Variants in USP9Y observed in about 807,000 individuals in gnomAD.
The protein encoded by USP9Y is ubiquitin carboxyl-terminal hydrolase 9Y.
A neutral mutation model predicts 53.1 loss-of-function variants in USP9Y; 41 were observed. The observed-to-expected ratio is 0.77, with a 90% CI of 0.60 to 1.00. The LOEUF is 1.00. Ranked by LOEUF, USP9Y falls within the 50% of genes least tolerant of loss-of-function variation. The pLI is 0.00. For synonymous variants in USP9Y, 220 were observed against 173.7 expected (o/e 1.27, Z -2.09); for missense variants, 567 against 535.8 (o/e 1.06, Z -0.58).
In USP9Y at chrY:12,805,346, T is replaced by C. The variant is rs753210778; in HGVS notation, c.3984-4833T>C. Among the ~76,000 whole-genome samples, 37 of 33,287 alleles carry C rather than the reference T, an allele frequency of 1.1e-3. No individual in the cohort carries two copies. In the East Asian group the frequency reaches 0.027, roughly 24 times the overall value. The allele number at this position is 33,287 out of a possible 37,273, so 89.3% of individuals were successfully genotyped here. On this transcript the variant is annotated intron_variant, in intron 27 of 45. Transcript: ENST00000338981. ...CTGCCTTTTCTTTAGGTATGCTTTT[T>C]CCCCCCTTCTGTCTGCTCAAATCTG...
In USP9Y at chrY:12,840,996, CT is replaced by C. The variant is rs2053560591; in HGVS notation, c.6089-9del. 2.6e-6 allele frequency: 1 copy of C among 381,950 alleles called. No individual in the cohort carries two copies. The highest frequency in any genetic ancestry group is 6.6e-5 in the African/African-American group (1 of 15,235). Reference sequence around the variant, plus strand: ...AAAAATGTTTTTAACCATATATATACTTTTTATTTAAAGGGCAGGATTATTT... The same window carrying C: ...AAAAATGTTTTTAACCATATATATACTTTTATTTAAAGGGCAGGATTATTT... On this transcript the variant is annotated splice_polypyrimidine_tract_variant and intron_variant, in intron 36 of 45. Coordinates refer to ENST00000338981, the MANE Select transcript of USP9Y (RefSeq NM_004654.4).
At position 12,857,577 on chromosome Y, in the gene USP9Y, C is replaced by T. The variant is rs774620396; in HGVS notation, c.7446C>T (p.Asp2482=). Residue 2482 remains aspartate, a synonymous_variant, in exon 45 of 46, where the codon GAC becomes GAT. Transcript: ENST00000338981. The part of the protein sequence containing the change: ...CELCPEEEPD[D]QDAPDEHEPS... ...ATATTTAAAATTAGGAGCCAGATGA[C>T]CAGGATGCCCCAGATGAGCATGAGC... 8 of 384,489 alleles carry T rather than the reference C, an allele frequency of 2.1e-5. No homozygotes were observed. Among genetic ancestry groups the T allele is most frequent in the Non-Finnish European group, 2.9e-5 (8 of 275,264 alleles).
At chrY:12,739,146 T>A in intron 11 of USP9Y, among the ~76,000 whole-genome samples, 1 of 33,212 alleles carries the variant, frequency 3.0e-5, no homozygotes. Context: ...TCATAAAGCT[T>A]GTTTTTTGCC....
intron 27 of USP9Y, among the ~76,000 whole-genome samples, chrY:12,800,914 T>TG (rs2053518548): frequency 2.9e-5 from 1 of 34,156 alleles, no homozygotes; most frequent in Non-Finnish European, 7.3e-5. Flanking sequence ...TTCAAGGCAT[T>TG]GTGAAGACCC....
chrY:12,848,349 T>A (rs2053568882), intron 42 of USP9Y, among the ~76,000 whole-genome samples: 1 of 33,423 alleles, frequency 3.0e-5, no homozygotes. Context: ...TTGAGTTCTT[T>A]GTAGATTCTG....
chrY:12,819,881 C>A (rs2053539497), intron 33 of USP9Y, among the ~76,000 whole-genome samples: 1 of 31,854 alleles, frequency 3.1e-5, no homozygotes, highest in Non-Finnish European at 7.6e-5. Flanking sequence ...CACTAGTAGC[C>A]CCATCACTTT....
chrY:12,718,345 C>G, intron 3 of USP9Y, among the ~76,000 whole-genome samples: 1 of 34,160 alleles, frequency 2.9e-5, no homozygotes, highest in Non-Finnish European at 7.3e-5. Context: ...TAGGCAGATG[C>G]AGTAATCTGT....
chrY:12,857,085 T>C, intron 44 of USP9Y: 1 of 111,883 alleles, frequency 8.9e-6, no homozygotes, highest in African/African-American at 9.9e-5. Flanking sequence ...AGATATTCTT[T>C]TGTTTGTTTT....
intron 27 of USP9Y, among the ~76,000 whole-genome samples, chrY:12,801,104 G>C (rs2053518952): frequency 3.0e-5 from 1 of 33,203 alleles, no homozygotes; most frequent in Non-Finnish European, 7.4e-5. Flanking sequence ...CCCAAGAAAT[G>C]CTTAAAAGGT....
chrY:12,819,180 A>G (rs2053538839), intron 33 of USP9Y, among the ~76,000 whole-genome samples: 49 of 34,034 alleles, frequency 1.4e-3, no homozygotes. Context: ...CTCAATCTTA[A>G]TAAAAAATGA....
rs752520499 is a variant in USP9Y, at chrY:12,816,215, G to A, written c.4701G>A (p.Thr1567=). ...TGGGACTCAAAAATGCTGGTGCTAC[G>A]TGTTACATGAACTCTGTGATCCAGC... ...GFVGLKNAGA[T]CYMNSVIQQL... is the part of the protein sequence containing the mutation. Residue 1567 remains threonine (T), a synonymous_variant, in exon 32 of 46, where the codon ACG becomes ACA. Transcript: ENST00000338981. 73 of 397,000 alleles carry A rather than the reference G, an allele frequency of 1.8e-4. No individual in the cohort carries two copies. The highest frequency in any genetic ancestry group is 1.4e-3 in the Admixed American group (18 of 13,199).
Position 12,725,171 on chromosome Y carries a change from T to G in USP9Y, c.384T>G (p.Ser128=). Residue 128 remains serine, a synonymous_variant, in exon 6 of 46, where the codon TCT becomes TCG. Coordinates refer to ENST00000338981, the MANE Select transcript of USP9Y (RefSeq NM_004654.4). The stretch of plus-strand genomic sequence containing the variant: ...TTTTTCGAGATGGACTAACAATATC[T>G]TTCACTAAAATTCTTATGGATGAGG... ...QRFFRDGLTI[S]FTKILMDEAV... 2 of 398,246 alleles carry G rather than the reference T, an allele frequency of 5.0e-6. No homozygotes were observed. Among genetic ancestry groups the G allele is most frequent in the Non-Finnish European group, 7.1e-6 (2 of 283,046 alleles).
At chrY:12,848,283 A>G (rs2053568805) in intron 42 of USP9Y, among the ~76,000 whole-genome samples, 1 of 32,774 alleles carries the variant, frequency 3.1e-5, no homozygotes, top group Non-Finnish European at 7.5e-5. Flanking sequence ...AGTGTTGTTC[A>G]TATCTTTTGC....
chrY:12,860,096 G>A lies in USP9Y; in HGVS notation c.*680G>A. 6.0e-5 allele frequency: 2 copies of A among 33,366 alleles called. No individual in the cohort carries two copies. The highest frequency in any genetic ancestry group is 1.5e-4 in the Non-Finnish European group (2 of 13,531). The allele number at this position is 33,366 out of a possible 400,897, so 8.3% of individuals were successfully genotyped here. ...AGGACAGAATTACATGAATGACAGTGCCCAGAGTGACAGCTGTATATTGCT... is the reference window on the plus strand; with the variant it reads ...AGGACAGAATTACATGAATGACAGTACCCAGAGTGACAGCTGTATATTGCT... On this transcript the variant is annotated 3_prime_UTR_variant, in exon 46 of 46. Coordinates refer to ENST00000338981, the MANE Select transcript of USP9Y (RefSeq NM_004654.4).
At chrY:12,731,464 CATA>C (rs2148281196) in intron 7 of USP9Y, among the ~76,000 whole-genome samples, 1 of 33,434 alleles carries the variant, frequency 3.0e-5, no homozygotes, top group Admixed American at 2.8e-4. Flanking sequence ...CAGTTGCATA[CATA>C]ATGTCCTTTA....
intron 33 of USP9Y, among the ~76,000 whole-genome samples, chrY:12,831,618 A>G (rs2053550891): frequency 3.0e-5 from 1 of 33,381 alleles, no homozygotes; most frequent in Non-Finnish European, 7.4e-5. Context: ...GCGTGGTGGC[A>G]TACACCTATA....
At chrY:12,826,199 A>G in intron 33 of USP9Y, among the ~76,000 whole-genome samples, 1 of 31,467 alleles carries the variant, frequency 3.2e-5, no homozygotes, top group African/African-American at 1.2e-4. Flanking sequence ...CGGCCTCCCA[A>G]AGCGCTGGGA....
intron 3 of USP9Y, among the ~76,000 whole-genome samples, chrY:12,717,527 G>A: frequency 3.1e-5 from 1 of 32,185 alleles, no homozygotes; most frequent in Non-Finnish European, 7.6e-5. Context: ...TTAACCATGC[G>A]GATCCCCTCG....
At chrY:12,734,183 A>G (rs991494220) in intron 7 of USP9Y, among the ~76,000 whole-genome samples, 1 of 33,593 alleles carries the variant, frequency 3.0e-5, no homozygotes, top group Non-Finnish European at 7.4e-5. Context: ...CATGGCTTCT[A>G]GTCGGAGTTT....
Sources: gnomAD v4.1 joint callset for allele counts (sites outside exome capture counted in the v4.1 genomes callset) on GRCh38, gnomAD v4.1.1 for gene constraint, MANE v1.5 for transcripts, NCBI Gene and HGNC (gene_info 2026-07-23, HGNC 2026-07-21) for gene names.